Variants in THSD7B observed in about 807,000 individuals in gnomAD.
THSD7B encodes thrombospondin type-1 domain-containing protein 7B.
In THSD7B, 138 loss-of-function variants were observed where a neutral mutation model predicts 213.6. That is an observed-to-expected ratio of 0.65 (90% CI 0.56 to 0.74). THSD7B has a LOEUF of 0.74. Ranked by LOEUF, THSD7B falls within the 30% of genes least tolerant of loss-of-function variation. The pLI, the probability that THSD7B is intolerant of heterozygous loss-of-function variation, is 0.00. For missense variants in THSD7B, 1,931 were observed against 1,991.5 expected (o/e 0.97, Z 0.58); for synonymous variants, 742 against 687.0 (o/e 1.08, Z -1.25).
intron 5 of THSD7B, among the ~76,000 whole-genome samples, chr2:137,158,637 T>C (rs918356759): frequency 6.7e-6 from 1 of 150,192 alleles, no homozygotes; most frequent in African/African-American, 2.5e-5. Flanking sequence ...GAAATACTTT[T>C]TCCCCATGGG....
chr2:137,044,433 C>A (rs1039866890), intron 2 of THSD7B, among the ~76,000 whole-genome samples: 1 of 152,078 alleles, frequency 6.6e-6, no homozygotes, highest in African/African-American at 2.4e-5. Context: ...CTGTGACCAC[C>A]ATGATAATTT....
chr2:137,517,813 T>C (rs1191320073), intron 15 of THSD7B, among the ~76,000 whole-genome samples: 2 of 152,118 alleles, frequency 1.3e-5, no homozygotes, highest in African/African-American at 2.4e-5. Context: ...GCCTCTAGGA[T>C]ATTGGAGCAA....
At chr2:137,399,866 A>C (rs1686310114) in intron 12 of THSD7B, among the ~76,000 whole-genome samples, 1 of 152,162 alleles carries the variant, frequency 6.6e-6, no homozygotes, top group Non-Finnish European at 1.5e-5. Flanking sequence ...AGTTCCAAAC[A>C]TCTTAAATGC....
intron 2 of THSD7B, among the ~76,000 whole-genome samples, chr2:136,939,523 C>A (rs1350943826): frequency 1.3e-5 from 2 of 152,142 alleles, no homozygotes; most frequent in African/African-American, 4.8e-5. Flanking sequence ...GAATTCCTGT[C>A]AGGTTGGATC....
At chr2:137,433,822 G>A (rs1307232431) in intron 14 of THSD7B, among the ~76,000 whole-genome samples, 1 of 152,128 alleles carries the variant, frequency 6.6e-6, no homozygotes, top group Non-Finnish European at 1.5e-5. Flanking sequence ...AACTCTTGAA[G>A]TCTGTTTTTT....
At chr2:137,482,187 CAAAA>C (rs5834555) in intron 15 of THSD7B, among the ~76,000 whole-genome samples, 16 of 132,626 alleles carry the variant, frequency 1.2e-4, no homozygotes, top group Non-Finnish European at 1.1e-4. Flanking sequence ...CCCTCCCCAC[CAAAA>C]AAAAAAAAAA....
chr2:137,454,197 A>G (rs956505064), intron 15 of THSD7B, among the ~76,000 whole-genome samples: 1 of 152,164 alleles, frequency 6.6e-6, no homozygotes. Context: ...ATTTTCCATA[A>G]TGGCTTTACT....
chr2:137,342,537 T>A (rs921507266), intron 12 of THSD7B, among the ~76,000 whole-genome samples: 4 of 151,724 alleles, frequency 2.6e-5, no homozygotes, highest in Non-Finnish European at 5.9e-5. Flanking sequence ...GACAAGGACT[T>A]CCAGTACTGT....
intron 21 of THSD7B, among the ~76,000 whole-genome samples, chr2:137,651,927 ATTTC>A (rs1487164285): frequency 6.6e-6 from 1 of 151,972 alleles, no homozygotes; most frequent in Non-Finnish European, 1.5e-5. Flanking sequence ...ACTTGATATG[ATTTC>A]TACTTTTTTG....
chr2:136,890,183 A>C (rs1338651880), intron 2 of THSD7B, among the ~76,000 whole-genome samples: 1 of 151,776 alleles, frequency 6.6e-6, no homozygotes, highest in Admixed American at 6.6e-5. Context: ...TTTTTTATCC[A>C]TGAAGTCTGA....
At chr2:137,451,543 A>C (rs1193028906) in intron 15 of THSD7B, among the ~76,000 whole-genome samples, 2 of 151,686 alleles carry the variant, frequency 1.3e-5, no homozygotes, top group Non-Finnish European at 2.9e-5. Flanking sequence ...CTTTTGAACT[A>C]CTTCTTTACC....
intron 4 of THSD7B, among the ~76,000 whole-genome samples, chr2:137,098,778 G>T (rs1380937186): frequency 1.3e-5 from 2 of 152,100 alleles, no homozygotes; most frequent in South Asian, 4.1e-4. Context: ...AACACTATGA[G>T]TGACTGTCCC....
chr2:136,837,598 T>C (rs1682864454), intron 1 of THSD7B, among the ~76,000 whole-genome samples: 1 of 152,214 alleles, frequency 6.6e-6, no homozygotes, highest in Non-Finnish European at 1.5e-5. Context: ...ATATTGGTTA[T>C]TTCACTTGTT....
At chr2:137,265,770 G>A (rs1185534113) in intron 10 of THSD7B, among the ~76,000 whole-genome samples, 1 of 152,192 alleles carries the variant, frequency 6.6e-6, no homozygotes, top group East Asian at 1.9e-4. Context: ...GGGGGTGATA[G>A]TCTTTGAATG....
At position 137,196,376 on chromosome 2, in the gene THSD7B, G is replaced by GTT. The variant is rs60814872; in HGVS notation, c.1723+25464_1723+25465dup. Reference sequence around the variant, plus strand: ...TTTAGCTGGAGATGGAAAACCTGCTGTTTTTTTTTTTTTTTTTTTTTTTTT... The same window carrying GTT: ...TTTAGCTGGAGATGGAAAACCTGCTGTTTTTTTTTTTTTTTTTTTTTTTTTTT... On this transcript the variant is annotated intron_variant, in intron 7 of 27. Coordinates refer to ENST00000409968, the MANE Select transcript of THSD7B (RefSeq NM_001316349.2). Among the ~76,000 whole-genome samples the GTT allele has an allele frequency of 9.2e-4, 92 of 99,972 alleles. 3 individuals are homozygous for GTT. The highest frequency in any genetic ancestry group is 2.3e-3 in the African/African-American group (60 of 25,626). The allele number at this position is 99,972 out of a possible 152,430, so 65.6% of individuals were successfully genotyped here.
chr2:137,110,752 G>A (rs1226070183), intron 4 of THSD7B, among the ~76,000 whole-genome samples: 1 of 152,128 alleles, frequency 6.6e-6, no homozygotes, highest in Non-Finnish European at 1.5e-5. Flanking sequence ...TGCAATTACA[G>A]CCATGCACTC....
At chr2:136,771,066 G>A (rs751019231) in intron 1 of THSD7B, among the ~76,000 whole-genome samples, 24 of 152,112 alleles carry the variant, frequency 1.6e-4, no homozygotes, top group African/African-American at 5.1e-4. Context: ...TAATTAAAAT[G>A]TATGTATGTG....
rs1449084364 is a variant in THSD7B, at chr2:137,400,872, TG to T, written c.2501-4739del. ...TCCTGGAGCAGGGGAAGAAGGTAGGTGGAGCTAGATAGTGCAAGCCTGTATT... is the reference window on the plus strand; with the variant it reads ...TCCTGGAGCAGGGGAAGAAGGTAGGTGAGCTAGATAGTGCAAGCCTGTATT... On this transcript the variant is annotated intron_variant, in intron 12 of 27. Transcript: ENST00000409968. Among the ~76,000 whole-genome samples, 3 of 152,052 alleles carry T rather than the reference TG, an allele frequency of 2.0e-5. No homozygotes were observed. In the East Asian group the frequency reaches 5.8e-4, roughly 29 times the overall value.
At chr2:137,267,798 A>G (rs144515061) in intron 10 of THSD7B, among the ~76,000 whole-genome samples, 1 of 152,260 alleles carries the variant, frequency 6.6e-6, no homozygotes, top group African/African-American at 2.4e-5. Flanking sequence ...AACATTTAAT[A>G]TGTTTTACAC....
Sources: gnomAD v4.1 joint callset for allele counts (sites outside exome capture counted in the v4.1 genomes callset) on GRCh38, gnomAD v4.1.1 for gene constraint, MANE v1.5 for transcripts, NCBI Gene and HGNC (gene_info 2026-07-23, HGNC 2026-07-21) for gene names.